The following CDH13 variants were observed in gnomAD, a reference collection of about 807,000 sequenced individuals.
CDH13 encodes the protein cadherin 13.
CDH13 carries 24 observed loss-of-function variants against 63.8 expected under a neutral mutation model. That is an observed-to-expected ratio of 0.38 (90% confidence interval 0.27 to 0.53). The LOEUF is 0.53. Ranked by LOEUF, CDH13 falls within the 20% of genes least tolerant of loss-of-function variation. The pLI is 0.85. For missense variants in CDH13, 1,049 were observed against 903.1 expected (o/e 1.16, Z -2.07); for synonymous variants, 503 against 355.3 (o/e 1.42, Z -4.67).
intron 1 of CDH13, among the ~76,000 whole-genome samples, chr16:82,793,416 G>A (rs923671761): frequency 1.3e-5 from 2 of 151,400 alleles, no homozygotes; most frequent in Admixed American, 6.6e-5. Context: ...CTGTCCAAAT[G>A]AAAAAGCATT....
At chr16:83,632,663 G>A (rs1355344027) in intron 8 of CDH13, among the ~76,000 whole-genome samples, 1 of 149,936 alleles carries the variant, frequency 6.7e-6, no homozygotes, top group African/African-American at 2.5e-5. Flanking sequence ...ACTGGAAAGG[G>A]GTCCAGATCC....
chr16:83,791,982 T>C (rs1397144907), intron 13 of CDH13, among the ~76,000 whole-genome samples: 1 of 152,252 alleles, frequency 6.6e-6, no homozygotes, highest in Non-Finnish European at 1.5e-5. Flanking sequence ...CTAGTCAAAA[T>C]ACAGTTTCCT....
At chr16:82,646,564 T>G (rs981239511) in intron 1 of CDH13, among the ~76,000 whole-genome samples, 2 of 152,062 alleles carry the variant, frequency 1.3e-5, no homozygotes, top group Non-Finnish European at 2.9e-5. Context: ...TGGGAAGTGA[T>G]GGGAGGAGAG....
rs2075481592 is a variant in CDH13, at chr16:83,551,054, TTATATCTATCTATC to T, written c.961-51396_961-51383del. On this transcript the variant is annotated intron_variant, in intron 7 of 13. Coordinates refer to ENST00000567109, the MANE Select transcript of CDH13 (RefSeq NM_001257.5). ...CTGTTCCATGGCCCCCTTAAGTCATTTATATCTATCTATCTATCTATCTATCTATCTATCTATCT... is the reference window on the plus strand; with the variant it reads ...CTGTTCCATGGCCCCCTTAAGTCATTTATCTATCTATCTATCTATCTATCT... Among the ~76,000 whole-genome samples the T allele has an allele frequency of 9.7e-4, 11 of 11,300 alleles. 1 individual carries two copies. In the South Asian group the frequency reaches 0.024, roughly 25 times the overall value. 7.4% of individuals were successfully genotyped at this position (11,300 alleles called of 152,430 possible). A position where few individuals can be genotyped will look rare whatever the true frequency, so the allele number is the denominator to read the frequency against.
At chr16:83,756,978 C>G (rs1913562498) in intron 11 of CDH13, among the ~76,000 whole-genome samples, 2 of 152,188 alleles carry the variant, frequency 1.3e-5, no homozygotes, top group Non-Finnish European at 2.9e-5. Context: ...TGAGTTCATT[C>G]TTTTCAAATT....
intron 7 of CDH13, among the ~76,000 whole-genome samples, chr16:83,554,904 G>T (rs2075573079): frequency 6.8e-6 from 1 of 147,794 alleles, no homozygotes. Context: ...CCATTGCAAT[G>T]CCCTACTGCT....
chr16:83,775,536 C>A (rs547986087), intron 11 of CDH13, among the ~76,000 whole-genome samples: 2 of 152,044 alleles, frequency 1.3e-5, no homozygotes, highest in Non-Finnish European at 2.9e-5. Context: ...GGCCCCTGGG[C>A]TCCCTCCAGA....
At chr16:83,345,912 C>A (rs1363214179) in intron 6 of CDH13, among the ~76,000 whole-genome samples, 2 of 152,110 alleles carry the variant, frequency 1.3e-5, no homozygotes, top group Non-Finnish European at 2.9e-5. Context: ...GCGGCTTTTA[C>A]TATTTTTCCC....
chr16:83,544,193 A>G (rs1366876732), intron 7 of CDH13, among the ~76,000 whole-genome samples: 1 of 152,164 alleles, frequency 6.6e-6, no homozygotes, highest in African/African-American at 2.4e-5. Flanking sequence ...GCAGAAGAGG[A>G]GTCTCCAGCA....
intron 3 of CDH13, among the ~76,000 whole-genome samples, chr16:83,098,911 G>T (rs948136848): frequency 4.6e-5 from 7 of 152,186 alleles, no homozygotes; most frequent in African/African-American, 1.4e-4. Context: ...GAGACTGGTT[G>T]TTCCTTATTT....
intron 6 of CDH13, among the ~76,000 whole-genome samples, chr16:83,439,505 A>G (rs1004260209): frequency 2.6e-4 from 40 of 152,224 alleles, no homozygotes; most frequent in African/African-American, 8.7e-4. Context: ...ATTGGTTGCT[A>G]TTCGGAAGCA....
intron 7 of CDH13, among the ~76,000 whole-genome samples, chr16:83,491,560 T>C (rs1439281672): frequency 6.9e-6 from 1 of 145,480 alleles, no homozygotes; most frequent in Non-Finnish European, 1.5e-5. Flanking sequence ...GAGTAACTAA[T>C]GGTCAGGGTT....
intron 6 of CDH13, among the ~76,000 whole-genome samples, chr16:83,415,451 A>G (rs1273273864): frequency 6.6e-6 from 1 of 152,150 alleles, no homozygotes; most frequent in Non-Finnish European, 1.5e-5. Context: ...AAGCCAGACA[A>G]ACACCACAAG....
rs1391923819 is a variant in CDH13, at chr16:83,564,559, C to G, written c.961-37895C>G. Among the ~76,000 whole-genome samples the G allele has an allele frequency of 2.0e-5, 3 of 152,194 alleles. No individual in the cohort carries two copies. In the East Asian group the frequency reaches 5.8e-4, roughly 29 times the overall value. The stretch of plus-strand genomic sequence containing the variant: ...GAGTAGCTGGTATTACAGGCATCTG[C>G]CACCACACCCAGCTAATTTTTCTAT... On this transcript the variant is annotated intron_variant, in intron 7 of 13. Coordinates refer to ENST00000567109, the MANE Select transcript of CDH13 (RefSeq NM_001257.5).
chr16:83,147,795 G>A (rs117924864), intron 4 of CDH13, among the ~76,000 whole-genome samples: 1 of 151,980 alleles, frequency 6.6e-6, no homozygotes, highest in Non-Finnish European at 1.5e-5. Flanking sequence ...GGGGTCACAG[G>A]GGGCAAAGAC....
chr16:82,980,713 G>A (rs1337664035), intron 2 of CDH13, among the ~76,000 whole-genome samples: 3 of 152,170 alleles, frequency 2.0e-5, no homozygotes, highest in Non-Finnish European at 2.9e-5. Context: ...CAGAGTCAGA[G>A]CCCTCAAACT....
At chr16:83,661,564 C>T (rs1422676910) in intron 8 of CDH13, among the ~76,000 whole-genome samples, 3 of 151,988 alleles carry the variant, frequency 2.0e-5, no homozygotes, top group East Asian at 1.9e-4. Context: ...TGTCAGTCTT[C>T]AGTGGCCATG....
chr16:82,715,309 C>T (rs1450417487), intron 1 of CDH13, among the ~76,000 whole-genome samples: 1 of 150,406 alleles, frequency 6.6e-6, no homozygotes, highest in East Asian at 1.9e-4. Context: ...GTCACTTAGC[C>T]ATCATCAGCG....
intron 4 of CDH13, chr16:83,180,844 C>G: frequency 2.7e-6 from 4 of 1,476,582 alleles, no homozygotes; most frequent in East Asian, 2.5e-5. Flanking sequence ...CAATTTACAA[C>G]AAAATGTGTT....
Sources: gnomAD v4.1 joint callset for allele counts (sites outside exome capture counted in the v4.1 genomes callset) on GRCh38, gnomAD v4.1.1 for gene constraint, MANE v1.5 for transcripts, NCBI Gene and HGNC (gene_info 2026-07-23, HGNC 2026-07-21) for gene names.